CMSS1: variants seen among roughly 807,000 people sequenced by gnomAD.
CMSS1 encodes cms1 ribosomal small subunit homolog, also known as protein CMSS1.
In CMSS1, 33 loss-of-function variants were observed where a neutral mutation model predicts 43.5. The observed-to-expected ratio is 0.76, with a 90% CI of 0.57 to 1.01. The LOEUF (loss-of-function observed/expected upper bound fraction) is 1.01, where lower values mean the gene tolerates loss of function less well. Ranked by LOEUF, CMSS1 falls within the 50% of genes least tolerant of loss-of-function variation. CMSS1 has a pLI of 0.00. For missense variants in CMSS1, 313 were observed against 326.4 expected (o/e 0.96, Z 0.32); for synonymous variants, 115 against 117.2 (o/e 0.98, Z 0.12).
chr3:99,988,485 C>G (rs1709417004), intron 1 of CMSS1, among the ~76,000 whole-genome samples: 1 of 127,964 alleles, frequency 7.8e-6, no homozygotes, highest in Admixed American at 9.5e-5. Flanking sequence ...GCACTCCAGC[C>G]TGGGCGACAG....
intron 1 of CMSS1, among the ~76,000 whole-genome samples, chr3:99,965,779 G>A (rs912145705): frequency 6.6e-6 from 1 of 152,192 alleles, no homozygotes; most frequent in Admixed American, 6.5e-5. Context: ...GTCATTAGGG[G>A]GAGGGTGTTA....
intron 1 of CMSS1, among the ~76,000 whole-genome samples, chr3:100,145,813 A>G (rs1376561352): frequency 1.3e-5 from 2 of 152,250 alleles, no homozygotes; most frequent in African/African-American, 4.8e-5. Context: ...GCCCACTCAC[A>G]TTATGGAAAT....
intron 1 of CMSS1, among the ~76,000 whole-genome samples, chr3:99,905,152 C>G (rs1445053501): frequency 6.6e-6 from 1 of 152,226 alleles, no homozygotes; most frequent in East Asian, 1.9e-4. Context: ...GCTTATCCCC[C>G]TTTGAATGTA....
At chr3:100,154,656 C>T (rs1054132838) in intron 2 of CMSS1, among the ~76,000 whole-genome samples, 3 of 151,968 alleles carry the variant, frequency 2.0e-5, no homozygotes, top group Non-Finnish European at 2.9e-5. Context: ...TTTTACCAAC[C>T]TAATAATCAT....
chr3:99,849,585 A>G (rs1230509196), intron 1 of CMSS1: 2 of 1,613,540 alleles, frequency 1.2e-6, no homozygotes, highest in African/African-American at 2.7e-5. Context: ...GCCATTGTTC[A>G]TGGCTGGTCT....
intron 2 of CMSS1, among the ~76,000 whole-genome samples, 187 bp from the exon 3 acceptor site, chr3:100,160,243 C>T (rs1335713929): frequency 1.3e-5 from 2 of 152,180 alleles, no homozygotes; most frequent in Admixed American, 1.3e-4. Context: ...CTGACTTTCT[C>T]AAATTCTCTC....
intron 1 of CMSS1, among the ~76,000 whole-genome samples, chr3:99,991,962 G>GTATATATACACACATATATGTGTA (rs1709533063): frequency 6.8e-6 from 1 of 147,086 alleles, no homozygotes; most frequent in African/African-American, 2.5e-5. Flanking sequence ...ATATATGTGT[G>GTATATATACACACATATATGTGTA]TATATATACA....
At chr3:99,849,428 G>C in intron 1 of CMSS1, 3 of 1,613,632 alleles carry the variant, frequency 1.9e-6, no homozygotes, top group African/African-American at 2.7e-5. Context: ...TGTTGATTTA[G>C]TTTTTTTTGC....
At chr3:99,899,102 ATGGAGATTTTATGTG>A (rs1213083034) in intron 1 of CMSS1, among the ~76,000 whole-genome samples, 1 of 152,220 alleles carries the variant, frequency 6.6e-6, no homozygotes, top group Non-Finnish European at 1.5e-5. Flanking sequence ...ATTATATTAG[ATGGAGATTTTATGTG>A]TGCATTTATT....
At chr3:100,046,304 C>A (rs1312292147) in intron 1 of CMSS1, among the ~76,000 whole-genome samples, 3 of 152,174 alleles carry the variant, frequency 2.0e-5, no homozygotes, top group Non-Finnish European at 4.4e-5. Flanking sequence ...CCTCCTTATG[C>A]CTCAGACATG....
chr3:99,827,011 C>T (rs1040550744), intron 1 of CMSS1, among the ~76,000 whole-genome samples: 1 of 151,954 alleles, frequency 6.6e-6, no homozygotes, highest in African/African-American at 2.4e-5. Context: ...AACAACATGC[C>T]CAGGAGGAAA....
intron 1 of CMSS1, among the ~76,000 whole-genome samples, chr3:99,959,719 T>A (rs1333691460): frequency 6.6e-6 from 1 of 152,194 alleles, no homozygotes; most frequent in Non-Finnish European, 1.5e-5. Flanking sequence ...AATAGAGCAA[T>A]AATGAGTCTC....
chr3:100,085,136 G>T (rs1281847157), intron 1 of CMSS1, among the ~76,000 whole-genome samples: 1 of 152,204 alleles, frequency 6.6e-6, no homozygotes, highest in East Asian at 1.9e-4. Context: ...AAGAGAAACA[G>T]TCCTGATCAG....
chr3:100,027,698 G>A (rs1386478547), intron 1 of CMSS1, among the ~76,000 whole-genome samples: 2 of 152,176 alleles, frequency 1.3e-5, no homozygotes, highest in African/African-American at 4.8e-5. Flanking sequence ...AGCCTCCTGA[G>A]TGAACTTTCA....
At chr3:99,863,394 G>A (rs772070867) in intron 1 of CMSS1, among the ~76,000 whole-genome samples, 3 of 152,112 alleles carry the variant, frequency 2.0e-5, no homozygotes, top group Non-Finnish European at 4.4e-5. Context: ...GGGGACTCCT[G>A]TACGTGGGGA....
intron 1 of CMSS1, among the ~76,000 whole-genome samples, chr3:100,088,818 A>G (rs536813278): frequency 3.2e-4 from 48 of 152,270 alleles, no homozygotes; most frequent in Non-Finnish European, 6.5e-4. Context: ...TCACTACAAT[A>G]TGAAACCAGT....
At chr3:100,154,672 T>C (rs1051072797) in intron 2 of CMSS1, among the ~76,000 whole-genome samples, 2 of 152,178 alleles carry the variant, frequency 1.3e-5, no homozygotes, top group Admixed American at 6.5e-5. Context: ...ATCATACATA[T>C]ATTTTTAAAA....
At chr3:100,089,848 C>A (rs955812395) in intron 1 of CMSS1, among the ~76,000 whole-genome samples, 1 of 152,140 alleles carries the variant, frequency 6.6e-6, no homozygotes, top group Non-Finnish European at 1.5e-5. Flanking sequence ...ATTTTTGCCA[C>A]CTACTAGTTC....
chr3:100,051,502 CCCCCT>C (rs1025319448), intron 1 of CMSS1, among the ~76,000 whole-genome samples: 4 of 117,830 alleles, frequency 3.4e-5, no homozygotes, highest in Non-Finnish European at 5.1e-5. Flanking sequence ...GCTAACCCTC[CCCCCT>C]CCCCCCACCC....
Sources: allele counts gnomAD v4.1 joint callset (sites outside exome capture counted in the v4.1 genomes callset), GRCh38; gene constraint gnomAD v4.1.1; transcripts MANE v1.5; gene names NCBI Gene and HGNC (gene_info 2026-07-23, HGNC 2026-07-21).